ACTR3B: variants seen among roughly 807,000 people sequenced by gnomAD.
ACTR3B encodes the protein actin related protein 3B, also known as actin-related protein 3B.
ACTR3B carries 8 observed loss-of-function variants against 59.0 expected under a neutral mutation model. The observed-to-expected ratio is 0.14, with a 90% CI of 0.08 to 0.24. ACTR3B has a LOEUF of 0.24. ACTR3B is among the 10% of genes least tolerant of loss of function. The pLI is 1.00. For missense variants in ACTR3B, 245 were observed against 552.3 expected, an observed-to-expected ratio of 0.44 and a Z score of 5.58; for synonymous variants, 148 against 197.9, an observed-to-expected ratio of 0.75 and a Z score of 2.12.
intron 2 of ACTR3B, among the ~76,000 whole-genome samples, chr7:152,794,914 A>C (rs2098210649): frequency 6.6e-6 from 1 of 152,204 alleles, no homozygotes; most frequent in African/African-American, 2.4e-5. Flanking sequence ...TAAATGTGGC[A>C]GTGAGTTGCA....
Position 152,776,720 on chromosome 7 carries a change from A to G in ACTR3B, c.45-6467A>G, listed in dbSNP as rs1395385291. ...AGGGATTATTACCCAGGTTTTAGAG[A>G]TGAAGAAACCAAGGAATGAAGGGAT... On this transcript the variant is annotated intron_variant, in intron 1 of 11. Transcript: ENST00000256001. Among the ~76,000 whole-genome samples, 6 of 152,414 alleles carry G rather than the reference A, an allele frequency of 3.9e-5. No homozygotes were observed. The East Asian group carries it at 1.2e-3, about 29-fold the overall frequency.
At chr7:152,817,368 G>A (rs1283706176) in intron 6 of ACTR3B, among the ~76,000 whole-genome samples, 6 of 151,172 alleles carry the variant, frequency 4.0e-5, no homozygotes, top group African/African-American at 7.3e-5. Context: ...CAACAAGAGC[G>A]AAACTCCGTC....
At chr7:152,794,381 C>CT (rs1426841983) in intron 2 of ACTR3B, among the ~76,000 whole-genome samples, 3 of 151,976 alleles carry the variant, frequency 2.0e-5, no homozygotes, top group Non-Finnish European at 4.4e-5. Flanking sequence ...CCATGCCCAG[C>CT]TAAGTTTTGT....
intron 2 of ACTR3B, among the ~76,000 whole-genome samples, chr7:152,798,592 A>G (rs189039038): frequency 3.3e-5 from 5 of 152,324 alleles, no homozygotes; most frequent in Admixed American, 6.5e-5. Flanking sequence ...GTCCAAAAAA[A>G]TCCTTGCCCA....
intron 2 of ACTR3B, among the ~76,000 whole-genome samples, chr7:152,788,086 AGCTAATTTTTGTATTTTTAGTAGAGACG>A (rs2098180594): frequency 8.8e-6 from 1 of 113,052 alleles, no homozygotes; most frequent in Non-Finnish European, 1.8e-5. Flanking sequence ...CACCACGTCC[AGCTAATTTTTGTATTTTTAGTAGAGACG>A]TCCAGCTAAT....
chr7:152,817,714 G>A (rs562406648), intron 6 of ACTR3B, among the ~76,000 whole-genome samples: 1 of 151,736 alleles, frequency 6.6e-6, no homozygotes, highest in South Asian at 2.1e-4. Context: ...TATATGGGGG[G>A]GTGTGTATGT....
chr7:152,795,036 CTT>C (rs1181143284), intron 2 of ACTR3B, among the ~76,000 whole-genome samples: 71 of 137,740 alleles, frequency 5.2e-4, no homozygotes, highest in African/African-American at 1.7e-3. Context: ...GTTTCACTCT[CTT>C]TTTTTTTTTT....
intron 4 of ACTR3B, among the ~76,000 whole-genome samples, chr7:152,803,131 C>T (rs913868460): frequency 5.3e-5 from 8 of 152,330 alleles, no homozygotes; most frequent in South Asian, 2.1e-4. Context: ...ACTGCAGCCT[C>T]GGACTCTGGG....
At chr7:152,774,732 ATAAAATATT>A (rs1303855824) in intron 1 of ACTR3B, among the ~76,000 whole-genome samples, 9 of 152,324 alleles carry the variant, frequency 5.9e-5, no homozygotes, top group African/African-American at 2.2e-4. Context: ...CTGGATTTGG[ATAAAATATT>A]TAAGTTTGAA....
At chr7:152,797,749 T>C (rs2098222308) in intron 2 of ACTR3B, among the ~76,000 whole-genome samples, 1 of 152,188 alleles carries the variant, frequency 6.6e-6, no homozygotes, top group Non-Finnish European at 1.5e-5. Flanking sequence ...AGATCAACTT[T>C]TTAAGATCCT....
intron 9 of ACTR3B, among the ~76,000 whole-genome samples, chr7:152,843,934 T>C (rs1241743104): frequency 6.6e-6 from 1 of 152,180 alleles, no homozygotes; most frequent in Non-Finnish European, 1.5e-5. Flanking sequence ...TGTGTGTGCA[T>C]GTGGGAGGGG....
chr7:152,763,302 A>T lies in ACTR3B; in HGVS notation c.44+3376A>T, dbSNP rs528764510. 4.4e-4 allele frequency among the ~76,000 whole-genome samples: 50 copies of T among 113,864 alleles called. 1 individual carries two copies. The highest frequency in any genetic ancestry group is 1.6e-3 in the African/African-American group (47 of 28,778). The allele number at this position is 113,864 out of a possible 152,430, so 74.7% of individuals were successfully genotyped here. A position where few individuals can be genotyped will look rare whatever the true frequency, so the allele number is the denominator to read the frequency against. On this transcript the variant is annotated intron_variant, in intron 1 of 11. Coordinates refer to ENST00000256001, the MANE Select transcript of ACTR3B (RefSeq NM_020445.6). Reference sequence around the variant, plus strand: ...TGCACTCCAGCCTGGTGACAGAGCGAGACTCCATCTCAAAAAAAAAAAAAA... The same window carrying T: ...TGCACTCCAGCCTGGTGACAGAGCGTGACTCCATCTCAAAAAAAAAAAAAA...
intron 6 of ACTR3B, among the ~76,000 whole-genome samples, chr7:152,818,117 T>C (rs1030410731): frequency 1.3e-5 from 2 of 152,196 alleles, no homozygotes; most frequent in Non-Finnish European, 2.9e-5. Flanking sequence ...CACGGAGAAC[T>C]CAGGCTTCCG....
At chr7:152,844,021 G>C (rs1023418510) in intron 9 of ACTR3B, among the ~76,000 whole-genome samples, 1 of 152,204 alleles carries the variant, frequency 6.6e-6, no homozygotes. Context: ...TGAATAAAGA[G>C]TGTATCACTT....
At chr7:152,817,030 T>C (rs1429892324) in intron 6 of ACTR3B, among the ~76,000 whole-genome samples, 1 of 144,418 alleles carries the variant, frequency 6.9e-6, no homozygotes, top group Admixed American at 7.2e-5. Flanking sequence ...ACATCTGTGT[T>C]CTCTGAAAAG....
At chr7:152,774,047 A>T (rs2098130671) in intron 1 of ACTR3B, among the ~76,000 whole-genome samples, 1 of 152,166 alleles carries the variant, frequency 6.6e-6, no homozygotes, top group Admixed American at 6.5e-5. Flanking sequence ...GTCAGGCACG[A>T]TGGGTCCTCA....
At chr7:152,829,038 G>T (rs1796808085) in intron 9 of ACTR3B, among the ~76,000 whole-genome samples, 4 of 150,398 alleles carry the variant, frequency 2.7e-5, no homozygotes, top group Admixed American at 2.7e-4. Flanking sequence ...AAAATTGTGT[G>T]TGTGTGTATA....
intron 9 of ACTR3B, among the ~76,000 whole-genome samples, chr7:152,848,730 C>T (rs1438312638): frequency 6.6e-6 from 1 of 152,148 alleles, no homozygotes; most frequent in Non-Finnish European, 1.5e-5. Context: ...ATTATGGTAA[C>T]TAGGTATGCA....
At chr7:152,810,407 T>TG (rs1795116048) in intron 4 of ACTR3B, among the ~76,000 whole-genome samples, 12 of 98,246 alleles carry the variant, frequency 1.2e-4, no homozygotes, top group Admixed American at 3.9e-4. Flanking sequence ...GCACCCAGCC[T>TG]GTTTTTTTTT....
Sources: gnomAD v4.1 joint callset for allele counts (sites outside exome capture counted in the v4.1 genomes callset) on GRCh38, gnomAD v4.1.1 for gene constraint, MANE v1.5 for transcripts, NCBI Gene and HGNC (gene_info 2026-07-23, HGNC 2026-07-21) for gene names.